GTF2I: variants seen among roughly 807,000 people sequenced by gnomAD.
GTF2I encodes general transcription factor IIi.
In GTF2I, 12 loss-of-function variants were observed where a neutral mutation model predicts 67.6. The observed-to-expected ratio is 0.18, with a 90% confidence interval of 0.11 to 0.29. The LOEUF is 0.29. Ranked by LOEUF, GTF2I falls within the 10% of genes least tolerant of loss-of-function variation. The pLI is 1.00. For synonymous variants in GTF2I, 149 were observed against 197.0 expected (o/e 0.76, Z 2.04); for missense variants, 271 against 580.1 (o/e 0.47, Z 5.47).
At chr7:74,684,845 A>T (rs1787561147) in intron 1 of GTF2I, 1 of 152,148 alleles carries the variant, frequency 6.6e-6, no homozygotes, top group Non-Finnish European at 1.5e-5. Context: ...TGTGATTGTT[A>T]CCAGTGGAGG....
intron 3 of GTF2I, among the ~76,000 whole-genome samples, chr7:74,695,936 C>T (rs183422008): frequency 1.3e-5 from 2 of 152,130 alleles, no homozygotes; most frequent in East Asian, 3.9e-4. Flanking sequence ...GGGCGCTGTC[C>T]TCAGCTGCAA....
chr7:74,690,682 A>G (rs2718274), intron 2 of GTF2I, among the ~76,000 whole-genome samples: 24,285 of 152,124 alleles, frequency 0.16, 3,407 homozygotes, highest in African/African-American at 0.38. Flanking sequence ...TCGTCTGTCC[A>G]GCCCTGCCTG....
intron 1 of GTF2I, among the ~76,000 whole-genome samples, chr7:74,666,923 T>G (rs887417591): frequency 1.3e-5 from 2 of 151,662 alleles, no homozygotes; most frequent in Non-Finnish European, 2.9e-5. Context: ...GAGCTTGCAG[T>G]GAGCTGAGAT....
chr7:74,722,293 G>A (rs587674876), intron 12 of GTF2I, among the ~76,000 whole-genome samples: 44 of 152,214 alleles, frequency 2.9e-4, no homozygotes, highest in Non-Finnish European at 6.3e-4. Context: ...TAAAACATAC[G>A]TGACTTAGGT....
At chr7:74,677,095 AC>A (rs1805968652) in intron 1 of GTF2I, among the ~76,000 whole-genome samples, 1 of 151,662 alleles carries the variant, frequency 6.6e-6, no homozygotes, top group African/African-American at 2.4e-5. Flanking sequence ...AACCGAAAAA[AC>A]CCCAACAGTT....
chr7:74,681,319 G>A (rs1393340423), intron 1 of GTF2I, among the ~76,000 whole-genome samples: 1 of 151,994 alleles, frequency 6.6e-6, no homozygotes, highest in Non-Finnish European at 1.5e-5. Context: ...CCTGTAATCC[G>A]AACTACTTGG....
intron 2 of GTF2I, 126 bp from the exon 3 acceptor site, chr7:74,690,847 C>A: frequency 2.3e-6 from 2 of 862,844 alleles, no homozygotes; most frequent in Non-Finnish European, 3.7e-6. Context: ...TGTTTAAAAT[C>A]AGGCCAAAAA....
At chr7:74,703,746 C>T (rs918379187) in intron 6 of GTF2I, among the ~76,000 whole-genome samples, 3 of 152,208 alleles carry the variant, frequency 2.0e-5, no homozygotes, top group Non-Finnish European at 4.4e-5. Context: ...GAAGATATGA[C>T]TTCTGTGTTT....
intron 8 of GTF2I, among the ~76,000 whole-genome samples, chr7:74,707,006 C>T (rs1401914086): frequency 3.3e-5 from 5 of 152,296 alleles, no homozygotes; most frequent in East Asian, 1.9e-4. Context: ...TACGCCATCA[C>T]GCACGACTAA....
chr7:74,705,164 G>T lies in GTF2I; in HGVS notation c.587G>T (p.Gly196Val), dbSNP rs781936472. Residue 196 changes from glycine to valine, a missense_variant and splice_region_variant, in exon 7 of 35, where the codon GGT becomes GTT. Gly to Val is a moderately radical substitution (Grantham distance 109). This residue lies in a region of GTF2I where 124 missense variants were observed against 147.0 expected (regional missense o/e 0.84). Coordinates refer to ENST00000573035, the MANE Select transcript of GTF2I (RefSeq NM_032999.4). ...RPFLEPKKHV[G>V]GRVMVTDADR... ...TCCAATTTTTTTTTTTTGTATGTAGGTGGTCGTGTGATGGTAACAGATGCT... is the reference window on the plus strand; with the variant it reads ...TCCAATTTTTTTTTTTTGTATGTAGTTGGTCGTGTGATGGTAACAGATGCT... 2 of 1,594,574 alleles carry T rather than the reference G, an allele frequency of 1.3e-6. No homozygotes were observed. Among genetic ancestry groups the T allele is most frequent in the Admixed American group, 3.3e-5 (2 of 59,838 alleles).
intron 3 of GTF2I, among the ~76,000 whole-genome samples, chr7:74,693,601 C>T (rs150884977): frequency 0.05 from 7,656 of 152,066 alleles, 270 homozygotes; most frequent in Middle Eastern, 0.092. Context: ...CATCCTAGCA[C>T]TTTGGGAGGC....
intron 14 of GTF2I, 53 bp downstream of exon 14, chr7:74,730,347 A>G: frequency 8.6e-6 from 1 of 116,950 alleles, no homozygotes; most frequent in South Asian, 9.0e-5. Context: ...GCATTTACAC[A>G]ATGGCGTTAC....
intron 3 of GTF2I, among the ~76,000 whole-genome samples, chr7:74,697,751 A>C (rs1052561894): frequency 6.6e-6 from 1 of 152,038 alleles, no homozygotes; most frequent in Non-Finnish European, 1.5e-5. Context: ...TTCCCTTTTA[A>C]ATCTCCATCT....
At chr7:74,691,208 CTT>C (rs368243097) in intron 3 of GTF2I, 97 bp downstream of exon 3, 11,057 of 635,580 alleles carry the variant, frequency 0.017, no homozygotes, top group East Asian at 0.025. Context: ...TTCTTTCTTT[CTT>C]TTTTTTTTTT....
chr7:74,702,199 A>AGG (rs1789871389), intron 6 of GTF2I, among the ~76,000 whole-genome samples: 1 of 151,424 alleles, frequency 6.6e-6, no homozygotes, highest in South Asian at 2.1e-4. Context: ...GAGTGCAATT[A>AGG]CTAGGAATAG....
chr7:74,697,571 C>T (rs1472163597), intron 3 of GTF2I, among the ~76,000 whole-genome samples: 2 of 151,884 alleles, frequency 1.3e-5, no homozygotes, highest in African/African-American at 4.8e-5. Context: ...TTTTTTGTGT[C>T]GATAATCTTC....
intron 8 of GTF2I, among the ~76,000 whole-genome samples, chr7:74,708,686 G>GAGAC (rs1791107135): frequency 2.0e-5 from 3 of 152,178 alleles, no homozygotes; most frequent in Admixed American, 2.0e-4. Context: ...CTTTGTGGCA[G>GAGAC]AGACTCACAT....
intron 1 of GTF2I, among the ~76,000 whole-genome samples, chr7:74,662,204 CTTTTTTTTTTTTT>C (rs59914241): frequency 2.9e-4 from 24 of 82,588 alleles, no homozygotes; most frequent in African/African-American, 8.8e-4. Flanking sequence ...TTTTTTCTTT[CTTTTTTTTTTTTT>C]TTTTTTTTTT....
At chr7:74,713,588 TTAAA>T (rs1418687843) in intron 9 of GTF2I, among the ~76,000 whole-genome samples, 3 of 152,132 alleles carry the variant, frequency 2.0e-5, no homozygotes, top group African/African-American at 7.2e-5. Context: ...CATACTGAAA[TTAAA>T]TTATTAATAG....
Sources: gnomAD v4.1 joint callset for allele counts (sites outside exome capture counted in the v4.1 genomes callset) on GRCh38, gnomAD v4.1.1 for gene constraint, gnomAD v4.1.1 regional missense constraint, MANE v1.5 for transcripts, NCBI Gene and HGNC (gene_info 2026-07-23, HGNC 2026-07-21) for gene names.